The following PLCZ1 variants were observed in gnomAD, a reference collection of about 807,000 sequenced individuals.
PLCZ1 encodes the protein 1-phosphatidylinositol 4,5-bisphosphate phosphodiesterase zeta-1.
A neutral mutation model predicts 76.8 loss-of-function variants in PLCZ1; 64 were observed. That is an observed-to-expected ratio of 0.83 (90% CI 0.68 to 1.03). The LOEUF (loss-of-function observed/expected upper bound fraction) is 1.03, where lower values mean the gene tolerates loss of function less well. Ranked by LOEUF, PLCZ1 falls within the 50% of genes least tolerant of loss-of-function variation. The pLI, the probability that PLCZ1 is intolerant of heterozygous loss-of-function variation, is 0.00. For missense variants in PLCZ1, 751 were observed against 713.7 expected (o/e 1.05, Z -0.60); for synonymous variants, 248 against 230.8 (o/e 1.07, Z -0.68).
chr12:18,654,526 T>C, the PLCZ1 span, among the ~76,000 whole-genome samples: 1 of 152,140 alleles, frequency 6.6e-6, no homozygotes, highest in African/African-American at 2.4e-5. Context: ...AAAATCAGTA[T>C]AAAGGATGAA....
At chr12:18,679,345 A>C (rs980394662), downstream of PLCZ1, among the ~76,000 whole-genome samples, 8 of 152,054 alleles carry the variant, frequency 5.3e-5, no homozygotes, top group Admixed American at 5.2e-4. Flanking sequence ...CATGCATTTA[A>C]TGTTTCAAGA....
At chr12:18,654,665 G>T in the PLCZ1 span, among the ~76,000 whole-genome samples, 3 of 152,128 alleles carry the variant, frequency 2.0e-5, no homozygotes, top group Admixed American at 1.3e-4. Context: ...TTATTAAAGG[G>T]AAATCAGACA....
chr12:18,737,512 AGG>A lies in PLCZ1; in HGVS notation c.-138-5_-138-4del. On this transcript the variant is annotated splice_region_variant and splice_polypyrimidine_tract_variant and intron_variant, in intron 1 of 14. Transcript: ENST00000266505. Reference sequence around the variant, plus strand: ...ACTCATCAGCTGTTACCACTTTTCTAGGGAGAAAGCAGAGAACACACAGTGGT... The same window carrying A: ...ACTCATCAGCTGTTACCACTTTTCTAGAGAAAGCAGAGAACACACAGTGGT... 1 of 1,180,732 alleles carries A rather than the reference AGG, an allele frequency of 8.5e-7. No homozygotes were observed. The highest frequency in any genetic ancestry group is 1.9e-4 in the Middle Eastern group (1 of 5,262). The allele number at this position is 1,180,732 out of a possible 1,614,324, so 73.1% of individuals were successfully genotyped here.
At chr12:18,708,937 T>G (rs1020443270) in intron 6 of PLCZ1, among the ~76,000 whole-genome samples, 1 of 152,034 alleles carries the variant, frequency 6.6e-6, no homozygotes, top group African/African-American at 2.4e-5. Context: ...GGTTTGCAAA[T>G]ATTTTTTCCC....
chr12:18,710,836 G>A (rs959530210), intron 6 of PLCZ1, among the ~76,000 whole-genome samples: 3 of 152,046 alleles, frequency 2.0e-5, no homozygotes, highest in Non-Finnish European at 2.9e-5. Flanking sequence ...ACAATGAGAT[G>A]CAATCTCACA....
intron 9 of PLCZ1, 47 bp from the exon 10 acceptor site, chr12:18,699,997 G>GA (rs577636518): frequency 8.0e-5 from 124 of 1,542,362 alleles, no homozygotes; most frequent in Non-Finnish European, 1.0e-4. Flanking sequence ...TAATCATTGG[G>GA]AAAAAAAATT....
At chr12:18,704,821 A>C (rs942124733) in intron 7 of PLCZ1, among the ~76,000 whole-genome samples, 7 of 152,148 alleles carry the variant, frequency 4.6e-5, no homozygotes, top group African/African-American at 1.7e-4. Context: ...TTGGGTACTG[A>C]CTATTTATAG....
intron 6 of PLCZ1, among the ~76,000 whole-genome samples, chr12:18,708,238 T>C (rs892774715): frequency 6.6e-6 from 1 of 152,186 alleles, no homozygotes; most frequent in Non-Finnish European, 1.5e-5. Flanking sequence ...TTGAGAGTTT[T>C]TTTTCTAAAT....
At chr12:18,664,178 C>A in the PLCZ1 span, among the ~76,000 whole-genome samples, 1 of 152,098 alleles carries the variant, frequency 6.6e-6, no homozygotes, top group African/African-American at 2.4e-5. Flanking sequence ...TTGGTAGGAA[C>A]GTAAAATGGT....
At chr12:18,704,309 C>T (rs529826750) in intron 7 of PLCZ1, among the ~76,000 whole-genome samples, 3 of 151,910 alleles carry the variant, frequency 2.0e-5, no homozygotes, top group African/African-American at 7.2e-5. Flanking sequence ...AAATTTGGGC[C>T]GTGAGAGGGA....
rs367728469 is a variant in PLCZ1, at chr12:18,695,061, G to T, written c.1310C>A (p.Thr437Asn). ...TTGCAGATCCATGGGCAGACCAGGG[G>T]TCTGGAAATTTAAAGCCACTGTAAG... ...GCQMVALNFQ[T>N]PGLPMDLQNG... Residue 437 changes from threonine to asparagine, a missense_variant, in exon 12 of 15, where the codon ACC becomes AAC. Thr to Asn is a moderately conservative substitution (Grantham distance 65, BLOSUM62 0). Transcript: ENST00000266505. The T allele has an allele frequency of 1.2e-6, 2 of 1,612,880 alleles. No individual in the cohort carries two copies.
chr12:18,715,018 G>A (rs1210697738), intron 5 of PLCZ1: 3 of 151,846 alleles, frequency 2.0e-5, no homozygotes, highest in African/African-American at 7.3e-5. Context: ...TTTAGATTTA[G>A]TTCTTCTTTG....
At chr12:18,699,722 A>C in intron 10 of PLCZ1, 72 bp downstream of exon 10, 1 of 1,399,612 alleles carries the variant, frequency 7.1e-7, no homozygotes, top group Non-Finnish European at 1.0e-6. Flanking sequence ...AATATCATTG[A>C]GCAATCTTAA....
At chr12:18,720,365 G>T (rs1426700016) in intron 4 of PLCZ1, among the ~76,000 whole-genome samples, 4 of 151,506 alleles carry the variant, frequency 2.6e-5, no homozygotes, top group Non-Finnish European at 5.9e-5. Flanking sequence ...ACACATTTCT[G>T]TATGGTGCAT....
At chr12:18,683,056 G>A (rs1952577783), downstream of PLCZ1, 1 of 624,014 alleles carries the variant, frequency 1.6e-6, no homozygotes, top group Non-Finnish European at 2.8e-6. Flanking sequence ...AGGACCCTCT[G>A]AAGTTTCTAT....
At chr12:18,728,865 T>G (rs1003751125) in intron 3 of PLCZ1, among the ~76,000 whole-genome samples, 1 of 152,052 alleles carries the variant, frequency 6.6e-6, no homozygotes, top group African/African-American at 2.4e-5. Context: ...TAGATGAGAC[T>G]TTTTAAAAGT....
At chr12:18,665,718 C>T in the PLCZ1 span, among the ~76,000 whole-genome samples, 2 of 152,146 alleles carry the variant, frequency 1.3e-5, no homozygotes, top group Admixed American at 6.6e-5. Flanking sequence ...AGGTGGATCA[C>T]GAGGTCAGGA....
At chr12:18,695,121 A>T (rs1954773138) in intron 11 of PLCZ1, 42 bp from the exon 12 acceptor site, 1 of 1,571,074 alleles carries the variant, frequency 6.4e-7, no homozygotes, top group Non-Finnish European at 8.8e-7. Flanking sequence ...GTAATAGAGA[A>T]TACAAATAAA....
intron 12 of PLCZ1, chr12:18,693,387 C>T: frequency 6.2e-7 from 1 of 1,604,470 alleles, no homozygotes; most frequent in Non-Finnish European, 8.5e-7. Context: ...TGTGGAGCTT[C>T]CTCTCACCCA....
Sources: allele counts gnomAD v4.1 joint callset (sites outside exome capture counted in the v4.1 genomes callset), GRCh38; gene constraint gnomAD v4.1.1; transcripts MANE v1.5; gene names NCBI Gene and HGNC (gene_info 2026-07-23, HGNC 2026-07-21).